The following IKBKB variants were observed in gnomAD, a reference collection of about 807,000 sequenced individuals.
The protein encoded by IKBKB is inhibitor of nuclear factor kappa B kinase subunit beta, also known as inhibitor of nuclear factor kappa-B kinase subunit beta.
In IKBKB, 42 loss-of-function variants were observed where a neutral mutation model predicts 113.6. The ratio of observed to expected loss-of-function variants is 0.37; its 90% CI spans 0.29 to 0.48. IKBKB has a LOEUF of 0.48. Ranked by LOEUF, IKBKB falls within the 20% of genes least tolerant of loss-of-function variation. The pLI is 0.99. For synonymous variants in IKBKB, 296 were observed against 361.3 expected (o/e 0.82, Z 2.05); for missense variants, 673 against 939.7 (o/e 0.72, Z 3.71).
chr8:42,275,993 A>C (rs1351312379), intron 2 of IKBKB, among the ~76,000 whole-genome samples: 1 of 152,020 alleles, frequency 6.6e-6, no homozygotes, highest in Non-Finnish European at 1.5e-5. Flanking sequence ...GGTACATGCC[A>C]CCATACCCGG....
intron 2 of IKBKB, among the ~76,000 whole-genome samples, chr8:42,277,394 G>A (rs1809400676): frequency 1.3e-5 from 2 of 151,796 alleles, no homozygotes; most frequent in African/African-American, 4.8e-5. Context: ...TGCTGGCCAG[G>A]CTGTTCTCAA....
chr8:42,309,704 G>A (rs906010037), intron 8 of IKBKB: 5 of 155,344 alleles, frequency 3.2e-5, no homozygotes, highest in Admixed American at 1.3e-4. Context: ...CTGCAATCCA[G>A]CCTGGGCGAC....
At chr8:42,299,440 C>T (rs1814668488) in intron 5 of IKBKB, among the ~76,000 whole-genome samples, 3 of 152,316 alleles carry the variant, frequency 2.0e-5, no homozygotes, top group Admixed American at 2.0e-4. Context: ...TCCCACTCAG[C>T]CCTGGGCATG....
intron 2 of IKBKB, among the ~76,000 whole-genome samples, chr8:42,280,773 G>A (rs976152769): frequency 2.6e-5 from 4 of 152,168 alleles, no homozygotes; most frequent in Non-Finnish European, 4.4e-5. Flanking sequence ...GAGGCAGTGT[G>A]TGTACTGGCT....
chr8:42,290,663 G>C (rs1052789343), intron 4 of IKBKB, among the ~76,000 whole-genome samples: 3 of 152,208 alleles, frequency 2.0e-5, no homozygotes, highest in Admixed American at 6.5e-5. Context: ...CTTATTAGGA[G>C]GGATTTTATT....
chr8:42,319,174 G>C lies in IKBKB; in HGVS notation c.1365-96G>C. Reference sequence around the variant, plus strand: ...TGATGATGATAATAATTATAGCAGGGACCTCCCTTGACATTTGAGGGGGTT... The same window carrying C: ...TGATGATGATAATAATTATAGCAGGCACCTCCCTTGACATTTGAGGGGGTT... On this transcript the variant is annotated intron_variant, in intron 13 of 21. Coordinates refer to ENST00000520810, the MANE Select transcript of IKBKB (RefSeq NM_001556.3). The C allele has an allele frequency of 4.6e-6, 5 of 1,081,168 alleles. No individual in the cohort carries two copies. In the South Asian group the frequency reaches 6.9e-5, roughly 15 times the overall value. 67.0% of individuals were successfully genotyped at this position (1,081,168 alleles called of 1,614,324 possible). A position where few individuals can be genotyped will look rare whatever the true frequency, so the allele number is the denominator to read the frequency against.
At chr8:42,317,206 T>TCCA in intron 11 of IKBKB, 1 of 295,382 alleles carries the variant, frequency 3.4e-6, no homozygotes, top group Admixed American at 7.2e-5. Context: ...CTTCCAAGTG[T>TCCA]ACTAAAAAAA....
intron 2 of IKBKB, among the ~76,000 whole-genome samples, chr8:42,279,725 T>C (rs1490720372): frequency 6.6e-6 from 1 of 152,206 alleles, no homozygotes; most frequent in Non-Finnish European, 1.5e-5. Flanking sequence ...GCTTTTTCCA[T>C]TGTGCCTGTG....
chr8:42,305,942 G>A (rs936739664), intron 6 of IKBKB, among the ~76,000 whole-genome samples: 1 of 152,226 alleles, frequency 6.6e-6, no homozygotes, highest in Non-Finnish European at 1.5e-5. Flanking sequence ...CACAGGGCTC[G>A]CCCTTGTTCC....
At chr8:42,277,033 AT>A (rs1341745427) in intron 2 of IKBKB, among the ~76,000 whole-genome samples, 13 of 139,866 alleles carry the variant, frequency 9.3e-5, no homozygotes, top group Non-Finnish European at 9.4e-5. Flanking sequence ...CCCCCGACTA[AT>A]TTTTTTTTTG....
chr8:42,303,799 G>A (rs113993388), intron 5 of IKBKB, among the ~76,000 whole-genome samples: 4,670 of 152,194 alleles, frequency 0.031, 84 homozygotes, highest in Non-Finnish European at 0.042. Context: ...GAGCCACCGC[G>A]CCCAGCCCCA....
intron 2 of IKBKB, among the ~76,000 whole-genome samples, chr8:42,281,904 T>C (rs1810434829): frequency 6.6e-6 from 1 of 152,190 alleles, no homozygotes; most frequent in Admixed American, 6.5e-5. Flanking sequence ...CCTGAGTCGC[T>C]GGAAGAGGCA....
chr8:42,300,071 T>C (rs545049316), intron 5 of IKBKB, among the ~76,000 whole-genome samples: 1 of 152,346 alleles, frequency 6.6e-6, no homozygotes, highest in South Asian at 2.1e-4. Flanking sequence ...CTGAGTGAAT[T>C]AGTGAAGTTG....
intron 2 of IKBKB, among the ~76,000 whole-genome samples, chr8:42,285,254 G>A (rs1488509557): frequency 1.3e-5 from 2 of 151,958 alleles, no homozygotes; most frequent in African/African-American, 4.8e-5. Flanking sequence ...CAGTTTAATA[G>A]CAACAAGGTG....
At chr8:42,280,559 A>C (rs1415836002) in intron 2 of IKBKB, among the ~76,000 whole-genome samples, 1 of 152,016 alleles carries the variant, frequency 6.6e-6, no homozygotes, top group Non-Finnish European at 1.5e-5. Flanking sequence ...GTGGGTCCCC[A>C]CTTTTTGCAT....
At chr8:42,324,580 A>G (rs1820384002) in intron 19 of IKBKB, 1 of 152,590 alleles carries the variant, frequency 6.6e-6, no homozygotes, top group South Asian at 2.1e-4. Context: ...TTTTCAAAGC[A>G]CACAGGACAC....
At chr8:42,288,778 C>T in intron 3 of IKBKB, 50 bp downstream of exon 3, 1 of 1,438,044 alleles carries the variant, frequency 7.0e-7, no homozygotes, top group South Asian at 1.2e-5. Flanking sequence ...GCAGCAGCCC[C>T]CGGTGTGTCT....
chr8:42,325,802 A>G, intron 19 of IKBKB, 168 bp from the exon 20 acceptor site: 1 of 1,468,130 alleles, frequency 6.8e-7, no homozygotes, highest in Non-Finnish European at 9.0e-7. Flanking sequence ...TTTTGAAGCC[A>G]GATGTGAAGC....
intron 19 of IKBKB, chr8:42,325,564 A>G: frequency 1.5e-6 from 1 of 687,404 alleles, no homozygotes; most frequent in South Asian, 5.1e-5. Flanking sequence ...CTGTAATCCC[A>G]GCTACTTGGG....
Sources: allele counts gnomAD v4.1 joint callset (sites outside exome capture counted in the v4.1 genomes callset), GRCh38; gene constraint gnomAD v4.1.1; transcripts MANE v1.5; gene names NCBI Gene and HGNC (gene_info 2026-07-23, HGNC 2026-07-21).